SLC71A1: variants seen among roughly 807,000 people sequenced by gnomAD.
SLC71A1 encodes hippocampus abundant gene transcript 1.
the SLC71A1 span, chr1:100,060,042 CT>C: frequency 6.5e-7 from 1 of 1,539,912 alleles, no homozygotes; most frequent in Non-Finnish European, 8.8e-7. Context: ...CTAAATATCA[CT>C]TTCAGCTATT....
At chr1:100,054,639 G>A in the SLC71A1 span, among the ~76,000 whole-genome samples, 6 of 152,044 alleles carry the variant, frequency 3.9e-5, no homozygotes, top group African/African-American at 9.7e-5. Context: ...TACCTAGATG[G>A]TTTCGTGTCC....
chr1:100,042,829 C>T, the SLC71A1 span, among the ~76,000 whole-genome samples: 8 of 151,988 alleles, frequency 5.3e-5, no homozygotes, highest in East Asian at 7.7e-4. Flanking sequence ...AGGCTGGTCT[C>T]GAACTCTTGA....
the SLC71A1 span, among the ~76,000 whole-genome samples, chr1:100,051,854 A>C: frequency 6.6e-6 from 1 of 152,224 alleles, no homozygotes; most frequent in South Asian, 2.1e-4. Context: ...AAAGTGGACT[A>C]TGTTAAGCAC....
the SLC71A1 span, chr1:100,080,580 T>A: frequency 6.2e-7 from 1 of 1,613,310 alleles, no homozygotes; most frequent in Non-Finnish European, 8.5e-7. Context: ...TTCTACATAT[T>A]CCATGTGGAA....
At chr1:100,056,756 G>A in the SLC71A1 span, among the ~76,000 whole-genome samples, 1 of 152,142 alleles carries the variant, frequency 6.6e-6, no homozygotes, top group Middle Eastern at 3.2e-3. Context: ...GGTTTTTTGA[G>A]GAGCCTTCCA....
the SLC71A1 span, chr1:100,080,485 A>C: frequency 6.2e-7 from 1 of 1,607,244 alleles, no homozygotes; most frequent in Non-Finnish European, 8.5e-7. Flanking sequence ...TAATTTGTTT[A>C]AACAATGTAG....
At chr1:100,067,006 A>AAG in the SLC71A1 span, among the ~76,000 whole-genome samples, 1 of 151,094 alleles carries the variant, frequency 6.6e-6, no homozygotes. Context: ...AAAAAAAAAA[A>AAG]AAAAAAATTT....
chr1:100,059,218 G>T, the SLC71A1 span, among the ~76,000 whole-genome samples: 1 of 124,418 alleles, frequency 8.0e-6, no homozygotes, highest in Non-Finnish European at 1.6e-5. Flanking sequence ...CAAGTGGCAT[G>T]ATCTCAGCTC....
the SLC71A1 span, chr1:100,038,379 C>A: frequency 9.1e-4 from 1,192 of 1,305,854 alleles, 14 homozygotes; most frequent in African/African-American, 0.015. Context: ...TCCTTCAGAC[C>A]CCCACACTGC....
At chr1:100,044,644 T>C in the SLC71A1 span, among the ~76,000 whole-genome samples, 2 of 151,776 alleles carry the variant, frequency 1.3e-5, no homozygotes, top group Non-Finnish European at 2.9e-5. Flanking sequence ...GCCTCCCAAG[T>C]AGCTGGGATT....
chr1:100,054,945 G>T, the SLC71A1 span, among the ~76,000 whole-genome samples: 2 of 152,178 alleles, frequency 1.3e-5, no homozygotes, highest in African/African-American at 2.4e-5. Context: ...AGGGTTGGGG[G>T]TTGGCCAGAT....
chr1:100,063,835 C>CT, the SLC71A1 span, among the ~76,000 whole-genome samples: 17 of 152,226 alleles, frequency 1.1e-4, no homozygotes, highest in East Asian at 3.3e-3. Context: ...CCCCTGTGAT[C>CT]TTTTTTCTGA....
At chr1:100,039,616 AG>A in the SLC71A1 span, among the ~76,000 whole-genome samples, 1 of 152,260 alleles carries the variant, frequency 6.6e-6, no homozygotes, top group African/African-American at 2.4e-5. Flanking sequence ...GGTTATGAAG[AG>A]TCATAGCTCT....
chr1:100,083,011 G>A, the SLC71A1 span: 1 of 152,496 alleles, frequency 6.6e-6, no homozygotes, highest in Admixed American at 6.6e-5. Context: ...GAAAATGTCA[G>A]TGTGATATCT....
At chr1:100,066,944 G>C in the SLC71A1 span, among the ~76,000 whole-genome samples, 1 of 138,270 alleles carries the variant, frequency 7.2e-6, no homozygotes, top group Admixed American at 8.1e-5. Context: ...AGCCGAGATC[G>C]CGCCACTGCA....
the SLC71A1 span, chr1:100,049,948 A>G: frequency 5.0e-6 from 8 of 1,610,922 alleles, no homozygotes; most frequent in Non-Finnish European, 5.9e-6. Flanking sequence ...TCATGCAGTT[A>G]TCGTCATCTT....
the SLC71A1 span, among the ~76,000 whole-genome samples, chr1:100,060,761 T>G: frequency 6.6e-6 from 1 of 152,038 alleles, no homozygotes; most frequent in Non-Finnish European, 1.5e-5. Flanking sequence ...TTTTTTTTTT[T>G]TCCACTCAGG....
At chr1:100,044,511 ATTTTTTTTT>A in the SLC71A1 span, among the ~76,000 whole-genome samples, 1,534 of 103,144 alleles carry the variant, frequency 0.015, 18 homozygotes, top group Middle Eastern at 0.11. Context: ...TACTCTGCTG[ATTTTTTTTT>A]TTTTTTTTTT....
chr1:100,058,301 A>G, the SLC71A1 span, among the ~76,000 whole-genome samples: 1 of 152,238 alleles, frequency 6.6e-6, no homozygotes. Flanking sequence ...GGGAAGCAGC[A>G]TAGCATAGTG....
Sources: allele counts gnomAD v4.1 joint callset (sites outside exome capture counted in the v4.1 genomes callset), GRCh38; gene constraint gnomAD v4.1.1; transcripts MANE v1.5; gene names NCBI Gene and HGNC (gene_info 2026-07-23, HGNC 2026-07-21).